Variants in FAM20A observed in about 807,000 individuals in gnomAD.
The protein encoded by FAM20A is FAM20A golgi associated secretory pathway pseudokinase, also known as pseudokinase FAM20A.
A neutral mutation model predicts 52.0 loss-of-function variants in FAM20A; 42 were observed. That is an observed-to-expected ratio of 0.81 (90% CI 0.63 to 1.04). The LOEUF is 1.04. FAM20A is among the 50% of genes least tolerant of loss of function. The probability of loss-of-function intolerance (pLI) is 0.00; values close to 1 mark genes in which losing one functional copy is unlikely to be tolerated. For synonymous variants in FAM20A, 304 were observed against 298.9 expected, an observed-to-expected ratio of 1.02 and a Z score of -0.18; for missense variants, 742 against 712.7, an observed-to-expected ratio of 1.04 and a Z score of -0.47.
At chr17:68,562,610 A>G (rs1162270793) in intron 1 of FAM20A, among the ~76,000 whole-genome samples, 2 of 139,880 alleles carry the variant, frequency 1.4e-5, no homozygotes, top group East Asian at 4.0e-4. Context: ...ATCCTTTTCC[A>G]TCCCCCCCCC....
chr17:68,540,595 G>A (rs529360533), intron 8 of FAM20A: 57 of 580,482 alleles, frequency 9.8e-5, no homozygotes, highest in Non-Finnish European at 1.5e-4. Context: ...CCAATCTGAC[G>A]CCCACTCAGG....
chr17:68,559,224 C>G (rs983964368), intron 1 of FAM20A, among the ~76,000 whole-genome samples: 2 of 152,198 alleles, frequency 1.3e-5, no homozygotes, highest in African/African-American at 4.8e-5. Context: ...AAGCTAAATG[C>G]TCTTATTTTA....
At chr17:68,592,573 C>T (rs1164692162) in intron 1 of FAM20A, among the ~76,000 whole-genome samples, 1 of 152,226 alleles carries the variant, frequency 6.6e-6, no homozygotes, top group Non-Finnish European at 1.5e-5. Flanking sequence ...CTGCGCTTCA[C>T]TTGCCAGGGC....
chr17:68,579,828 G>A (rs1333137301), intron 1 of FAM20A, among the ~76,000 whole-genome samples: 5 of 152,244 alleles, frequency 3.3e-5, no homozygotes, highest in African/African-American at 7.2e-5. Flanking sequence ...GGGAAGCGAC[G>A]CAGATCACAT....
Position 68,600,254 on chromosome 17 carries a change from G to A in FAM20A, c.404+9C>T, listed in dbSNP as rs1178952552. The A allele has an allele frequency of 1.5e-5, 24 of 1,557,666 alleles. No homozygotes were observed. Among genetic ancestry groups the A allele is most frequent in the Non-Finnish European group, 2.1e-5 (24 of 1,151,248 alleles). Reference sequence around the variant, plus strand: ...GCCCGCTCTCCCGCGTCCCGGGCGGGGTCCTCACCTGTTCCAGCGGGCCAC... The same window carrying A: ...GCCCGCTCTCCCGCGTCCCGGGCGGAGTCCTCACCTGTTCCAGCGGGCCAC... On this transcript the variant is annotated intron_variant, in intron 1 of 10. Coordinates refer to ENST00000592554, the MANE Select transcript of FAM20A (RefSeq NM_017565.4). This position sits in a 1 kb window ranked among gnomAD's most constrained non-coding sequence, Gnocchi z 6.2.
At position 68,535,703 on chromosome 17, in the gene FAM20A, G is replaced by C. The variant is rs771332540; in HGVS notation, c.*1774C>G. The stretch of plus-strand genomic sequence containing the variant: ...TTTTTGTATTTTTTTGTAGAGACAG[G>C]GTTTTGTCATGTTACCCAGGCTGGT... On this transcript the variant is annotated 3_prime_UTR_variant, in exon 11 of 11. Coordinates refer to ENST00000592554, the MANE Select transcript of FAM20A (RefSeq NM_017565.4). The C allele has an allele frequency of 8.0e-5, 36 of 448,354 alleles. No homozygotes were observed. Among genetic ancestry groups the C allele is most frequent in the Middle Eastern group, 7.2e-4 (1 of 1,380 alleles). The allele number at this position is 448,354 out of a possible 1,614,324, so 27.8% of individuals were successfully genotyped here.
intron 4 of FAM20A, among the ~76,000 whole-genome samples, chr17:68,548,271 T>A (rs1013725918): frequency 6.6e-6 from 1 of 152,132 alleles, no homozygotes; most frequent in African/African-American, 2.4e-5. Context: ...GGCACACGCC[T>A]ATAATCCCAG....
At position 68,600,710 on chromosome 17, in the gene FAM20A, C is replaced by A. The variant is rs1367174120; in HGVS notation, c.-44G>T. The A allele has an allele frequency of 4.6e-6, 7 of 1,522,384 alleles. No homozygotes were observed. In the East Asian group the frequency reaches 1.7e-4, roughly 38 times the overall value. The allele number at this position is 1,522,384 out of a possible 1,614,324, so 94.3% of individuals were successfully genotyped here. On this transcript the variant is annotated 5_prime_UTR_variant, in exon 1 of 11. Transcript: ENST00000592554. This position sits in a 1 kb window ranked among gnomAD's most constrained non-coding sequence, Gnocchi z 6.2. ...GACGCCGGGGGCAGGCCGGCTGTCT[C>A]CGGGGTCCCGGGAGGGGTCGCGGGG...
At position 68,574,345 on chromosome 17, in the gene FAM20A, C is replaced by T. The variant is rs1031518210; in HGVS notation, c.405-18602G>A. On this transcript the variant is annotated intron_variant, in intron 1 of 10. Coordinates refer to ENST00000592554, the MANE Select transcript of FAM20A (RefSeq NM_017565.4). ...TGAGGTGGTGCAGGGCATCACATGG[C>T]GAGGGGGCTGAGTGTGCTAGCTCCG... Among the ~76,000 whole-genome samples, 3 of 152,136 alleles carry T rather than the reference C, an allele frequency of 2.0e-5. No individual in the cohort carries two copies. In the South Asian group the frequency reaches 6.2e-4, roughly 32 times the overall value.
In FAM20A at chr17:68,541,977, C is replaced by G; in HGVS notation, c.1109+8G>C. On this transcript the variant is annotated splice_region_variant and intron_variant, in intron 7 of 10. Transcript: ENST00000592554. ...GGACTGGGCTGTGTGGCCTGGGGAC[C>G]AACTCACTCCTCTTTTCCTGCCAGT... The G allele has an allele frequency of 6.2e-7, 1 of 1,611,810 alleles. No individual in the cohort carries two copies. The highest frequency in any genetic ancestry group is 1.1e-5 in the South Asian group (1 of 90,848).
chr17:68,547,357 T>C (rs764384418), intron 4 of FAM20A, among the ~76,000 whole-genome samples: 22 of 152,340 alleles, frequency 1.4e-4, no homozygotes, highest in Middle Eastern at 3.4e-3. Context: ...GTGTGTTCTT[T>C]GAATCTTTGA....
chr17:68,558,037 T>C (rs2087104169), intron 1 of FAM20A, among the ~76,000 whole-genome samples: 2 of 152,142 alleles, frequency 1.3e-5, no homozygotes. Flanking sequence ...GTAAAGTTTT[T>C]TTTCTGGCTG....
intron 1 of FAM20A, among the ~76,000 whole-genome samples, chr17:68,566,693 C>T (rs547779981): frequency 6.6e-6 from 1 of 152,296 alleles, no homozygotes; most frequent in African/African-American, 2.4e-5. Context: ...ATGTATCTCT[C>T]TGTTTTTAGT....
In FAM20A at chr17:68,543,740, TCA is replaced by T. The variant is rs1491511136; in HGVS notation, c.720-21_720-20del. 6 of 1,602,152 alleles carry T rather than the reference TCA, an allele frequency of 3.7e-6. No homozygotes were observed. In the South Asian group the frequency reaches 4.4e-5, roughly 12 times the overall value. Reference sequence around the variant, plus strand: ...CTGCTGTCTGGAAGGAAGGAAGGAATCACGCCCTGGACTCAGACTTCAGCTGG... The same window carrying T: ...CTGCTGTCTGGAAGGAAGGAAGGAATCGCCCTGGACTCAGACTTCAGCTGG... On this transcript the variant is annotated intron_variant, in intron 4 of 10. Transcript: ENST00000592554.
Position 68,600,784 on chromosome 17 carries a change from G to A in FAM20A, c.-118C>T, listed in dbSNP as rs2088604142. 1 of 1,177,950 alleles carries A rather than the reference G, an allele frequency of 8.5e-7. No individual in the cohort carries two copies. Among genetic ancestry groups the A allele is most frequent in the Non-Finnish European group, 1.2e-6 (1 of 859,838 alleles). 73.0% of individuals were successfully genotyped at this position (1,177,950 alleles called of 1,614,324 possible). The stretch of plus-strand genomic sequence containing the variant: ...GTCCCGCGGGTGGGCCGGGGTCAGT[G>A]AGACCGGAATGCTCCCCGCGCGGGC... On this transcript the variant is annotated 5_prime_UTR_variant, in exon 1 of 11. Coordinates refer to ENST00000592554, the MANE Select transcript of FAM20A (RefSeq NM_017565.4). The surrounding 1 kb of genome is among the most constrained non-coding windows in gnomAD (Gnocchi z 6.2).
rs778275795 is a variant in FAM20A, at chr17:68,600,398, G to A, written c.269C>T (p.Ser90Phe). Reference protein sequence around the residue: ...PAGGSHSGSSSKLQALFAHPL... With the variant: ...PAGGSHSGSSFKLQALFAHPL... ...GTGGGCGAAGAGGGCCTGCAACTTG[G>A]AGCTCGACCCGCTGTGGCTGCCGCC... Residue 90 changes from serine (S) to phenylalanine (F), a missense_variant, in exon 1 of 11, where the codon TCC becomes TTC. Ser to Phe is a radical substitution (Grantham distance 155). Transcript: ENST00000592554. The surrounding 1 kb of genome is among the most constrained non-coding windows in gnomAD (Gnocchi z 6.2). The A allele has an allele frequency of 2.5e-6, 4 of 1,609,636 alleles. No individual in the cohort carries two copies. Among genetic ancestry groups the A allele is most frequent in the Non-Finnish European group, 2.5e-6 (3 of 1,178,610 alleles).
At position 68,537,496 on chromosome 17, in the gene FAM20A, T is replaced by A. The variant is rs756300365; in HGVS notation, c.1607A>T (p.Gln536Leu). The change falls in exon 11 of 11, where the codon CAG (glutamine) becomes CTG (leucine). Residue 536 changes from glutamine (Q) to leucine (L), a missense_variant. Gln to Leu is a moderately radical substitution (Grantham distance 113, BLOSUM62 -2). Transcript: ENST00000592554. The surrounding 1 kb of genome is among the most constrained non-coding windows in gnomAD (Gnocchi z 4.2). ...CAGCCCTTAGCTTGTCAAGTTAGCC[T>A]GGCCAGAGTCTGGGGCCAACTGTTC... ...PVEQLAPDSG[Q>L]ANLTS The A allele has an allele frequency of 2.5e-6, 4 of 1,613,908 alleles. No individual in the cohort carries two copies.
At chr17:68,551,128 A>G in intron 4 of FAM20A, 2 of 1,234,178 alleles carry the variant, frequency 1.6e-6, no homozygotes, top group Non-Finnish European at 2.0e-6. Context: ...GGGCTAAGGC[A>G]CTGGGGCCGA....
chr17:68,596,040 A>G (rs2088442599), intron 1 of FAM20A, among the ~76,000 whole-genome samples: 1 of 152,018 alleles, frequency 6.6e-6, no homozygotes, highest in South Asian at 2.1e-4. Flanking sequence ...CCCCAGAAAA[A>G]CTTCAGCCAA....
Sources: allele counts gnomAD v4.1 joint callset (sites outside exome capture counted in the v4.1 genomes callset), GRCh38; gene constraint gnomAD v4.1.1; non-coding constraint Gnocchi (gnomAD v3.1); transcripts MANE v1.5; gene names NCBI Gene and HGNC (gene_info 2026-07-23, HGNC 2026-07-21).